LSM1: variants seen among roughly 807,000 people sequenced by gnomAD.
The protein encoded by LSM1 is U6 snRNA-associated Sm-like protein LSm1.
A neutral mutation model predicts 18.0 loss-of-function variants in LSM1; 13 were observed. The ratio of observed to expected loss-of-function variants is 0.72; its 90% CI spans 0.47 to 1.15. The LOEUF is 1.15. Among genes scored for constraint, LSM1 ranks in the 50% most tolerant of loss-of-function variants. The pLI, the probability that LSM1 is intolerant of heterozygous loss-of-function variation, is 0.00. For missense variants in LSM1, 152 were observed against 157.7 expected, an observed-to-expected ratio of 0.96 and a Z score of 0.19; for synonymous variants, 46 against 56.0, an observed-to-expected ratio of 0.82 and a Z score of 0.80.
chr8:38,176,239 AC>A, intron 1 of LSM1, 35 bp downstream of exon 1: 1 of 1,601,632 alleles, frequency 6.2e-7, no homozygotes, highest in Non-Finnish European at 8.6e-7. Context: ...GAAGGGTCTA[AC>A]CCCGGGCTCC....
At chr8:38,176,237 TA>T in intron 1 of LSM1, 37 bp downstream of exon 1, 1 of 1,603,266 alleles carries the variant, frequency 6.2e-7, no homozygotes, top group Non-Finnish European at 8.5e-7. Context: ...AGGAAGGGTC[TA>T]ACCCCGGGCT....
At chr8:38,170,246 C>T (rs936731760) in intron 2 of LSM1, among the ~76,000 whole-genome samples, 12 of 152,300 alleles carry the variant, frequency 7.9e-5, no homozygotes, top group African/African-American at 2.9e-4. Context: ...ACCACATTGG[C>T]CAGGCTGGTC....
At chr8:38,166,604 T>C (rs997471931) in intron 3 of LSM1, among the ~76,000 whole-genome samples, 6 of 152,224 alleles carry the variant, frequency 3.9e-5, no homozygotes, top group Non-Finnish European at 5.9e-5. Flanking sequence ...TTTGGGACGG[T>C]ACTGACACAC....
At chr8:38,176,644 G>C, upstream of LSM1, 1 of 574,834 alleles carries the variant, frequency 1.7e-6, no homozygotes, top group Non-Finnish European at 3.0e-6. Context: ...CCCTCTTAAG[G>C]AACACGGTGT....
chr8:38,165,369 A>G (rs1802911768), intron 3 of LSM1, among the ~76,000 whole-genome samples: 1 of 151,916 alleles, frequency 6.6e-6, no homozygotes, highest in Admixed American at 6.6e-5. Context: ...AAAACAAAAA[A>G]TTGTTGCCTA....
At chr8:38,169,222 C>G (rs1217564301) in intron 3 of LSM1, among the ~76,000 whole-genome samples, 14 of 152,072 alleles carry the variant, frequency 9.2e-5, no homozygotes, top group Admixed American at 7.2e-4. Flanking sequence ...TATGTCTGCA[C>G]ACACGAAGAC....
chr8:38,170,980 T>C (rs1234318002), intron 2 of LSM1: 6 of 432,566 alleles, frequency 1.4e-5, no homozygotes, highest in Non-Finnish European at 2.3e-5. Context: ...ATTTCGCAGA[T>C]ATCCAATAAA....
At chr8:38,164,013 A>G (rs1346258113) in intron 3 of LSM1, among the ~76,000 whole-genome samples, 173 bp from the exon 4 acceptor site, 2 of 152,144 alleles carry the variant, frequency 1.3e-5, no homozygotes, top group African/African-American at 2.4e-5. Flanking sequence ...GCCTGACAAC[A>G]CTACTATAGG....
At position 38,172,037 on chromosome 8, in the gene LSM1, G is replaced by T; in HGVS notation, c.47-4C>A. The stretch of plus-strand genomic sequence containing the variant: ...CGAAGCAGAACCAAGTGCTTTTCTG[G>T]GGAGAGAGGAAAAAATCTTTTAAAT... On this transcript the variant is annotated splice_polypyrimidine_tract_variant and splice_region_variant and intron_variant, in intron 1 of 3. Coordinates refer to ENST00000311351, the MANE Select transcript of LSM1 (RefSeq NM_014462.3). 6.2e-7 allele frequency: 1 copy of T among 1,600,830 alleles called. No individual in the cohort carries two copies. The highest frequency in any genetic ancestry group is 8.5e-7 in the Non-Finnish European group (1 of 1,174,474).
intron 3 of LSM1, among the ~76,000 whole-genome samples, chr8:38,164,637 C>T (rs1802899793): frequency 6.6e-6 from 1 of 150,810 alleles, no homozygotes; most frequent in African/African-American, 2.4e-5. Context: ...GCCTGGGCAA[C>T]ACAGTGAGAC....
chr8:38,169,059 A>G (rs1450681374), intron 3 of LSM1, among the ~76,000 whole-genome samples: 2 of 152,216 alleles, frequency 1.3e-5, no homozygotes, highest in African/African-American at 4.8e-5. Flanking sequence ...AAAAGAAGAC[A>G]GTGCTGGCTC....
chr8:38,166,051 A>C (rs1210154925), intron 3 of LSM1: 1 of 152,336 alleles, frequency 6.6e-6, no homozygotes, highest in African/African-American at 2.4e-5. Context: ...TGTCATCCTT[A>C]AGCAGGGGCC....
chr8:38,172,625 G>T (rs756666410), intron 1 of LSM1, among the ~76,000 whole-genome samples: 2 of 152,100 alleles, frequency 1.3e-5, no homozygotes, highest in Non-Finnish European at 2.9e-5. Context: ...CCTAGCCAAA[G>T]ACCCTTATGT....
intron 3 of LSM1, 21 bp downstream of exon 3, chr8:38,169,781 A>G: frequency 7.6e-7 from 1 of 1,320,084 alleles, no homozygotes; most frequent in Non-Finnish European, 1.1e-6. Context: ...GATCTACAGC[A>G]GCTTAATAGT....
intron 3 of LSM1, among the ~76,000 whole-genome samples, chr8:38,168,306 C>T (rs1585639344): frequency 6.7e-6 from 1 of 149,612 alleles, no homozygotes; most frequent in Admixed American, 6.7e-5. Flanking sequence ...ATTTCTGCTG[C>T]TTGGCTGGGC....
chr8:38,171,496 G>A (rs961656324), intron 2 of LSM1, among the ~76,000 whole-genome samples: 62 of 152,208 alleles, frequency 4.1e-4, no homozygotes, highest in African/African-American at 1.3e-3. Context: ...GCGAAACCCC[G>A]TCTCTACTAA....
chr8:38,175,896 C>T lies in LSM1; in HGVS notation c.46+379G>A, dbSNP rs16887245. On this transcript the variant is annotated intron_variant, in intron 1 of 3. Coordinates refer to ENST00000311351, the MANE Select transcript of LSM1 (RefSeq NM_014462.3). The stretch of plus-strand genomic sequence containing the variant: ...AATCCTCTCTCTAGGTATTCCGATC[C>T]ATCCACCGGTAACACGCTGATACTT... 1,791 of 185,898 alleles carry T rather than the reference C, an allele frequency of 9.6e-3. 41 individuals are homozygous for T. Among genetic ancestry groups the T allele is most frequent in the African/African-American group, 0.039 (1,669 of 42,698 alleles). The allele number at this position is 185,898 out of a possible 1,614,324, so 11.5% of individuals were successfully genotyped here.
At chr8:38,169,694 A>G (rs1010091649) in intron 3 of LSM1, 108 bp downstream of exon 3, 3 of 638,552 alleles carry the variant, frequency 4.7e-6, no homozygotes, top group African/African-American at 3.7e-5. Flanking sequence ...GCCTAGGAGA[A>G]GCCAGATAAA....
intron 3 of LSM1, 52 bp from the exon 4 acceptor site, chr8:38,163,892 C>T (rs1563273205): frequency 6.5e-7 from 1 of 1,528,508 alleles, no homozygotes; most frequent in Admixed American, 1.7e-5. Context: ...GAATAGAAAG[C>T]ACAGATCTCA....
Sources: allele counts gnomAD v4.1 joint callset (sites outside exome capture counted in the v4.1 genomes callset), GRCh38; gene constraint gnomAD v4.1.1; transcripts MANE v1.5; gene names NCBI Gene and HGNC (gene_info 2026-07-23, HGNC 2026-07-21).